Variants in TMCO4 observed in about 807,000 individuals in gnomAD.
TMCO4 encodes the protein transmembrane and coiled-coil domains 4.
A neutral mutation model predicts 64.7 loss-of-function variants in TMCO4; 58 were observed. The ratio of observed to expected loss-of-function variants is 0.90; its 90% CI spans 0.73 to 1.12. The LOEUF is 1.12. TMCO4 is among the 50% of genes most tolerant of loss of function. The pLI, the probability that TMCO4 is intolerant of heterozygous loss-of-function variation, is 0.00. For missense variants in TMCO4, 780 were observed against 825.9 expected, an observed-to-expected ratio of 0.94 and a Z score of 0.68; for synonymous variants, 325 against 346.1, an observed-to-expected ratio of 0.94 and a Z score of 0.68.
chr1:19,743,006 C>T lies in TMCO4; in HGVS notation c.878-2065G>A, dbSNP rs1385457012. Among the ~76,000 whole-genome samples, 1 of 151,892 alleles carries T rather than the reference C, an allele frequency of 6.6e-6. No individual in the cohort carries two copies. Among genetic ancestry groups the T allele is most frequent in the Non-Finnish European group, 1.5e-5 (1 of 67,978 alleles). ...CGGAGGTTGCAGTGAGCCAAGATCGCGCCACTGCACTCCAGCCTGGTGATA... is the reference window on the plus strand; with the variant it reads ...CGGAGGTTGCAGTGAGCCAAGATCGTGCCACTGCACTCCAGCCTGGTGATA... On this transcript the variant is annotated intron_variant, in intron 10 of 15. Coordinates refer to ENST00000294543, the MANE Select transcript of TMCO4 (RefSeq NM_181719.7). This position sits in a 1 kb window ranked among gnomAD's most constrained non-coding sequence, Gnocchi z 4.1.
rs145282048 is a variant in TMCO4, at chr1:19,739,958, T to C, written c.1045A>G (p.Ile349Val). ...EALKYTVLSG[I>V]VAALTWPASL... ...GCTGGCCAGGTCAGGGCAGCCACAATGCCTGGGGAGGTGAGATAGTGATGA... is the reference window on the plus strand; with the variant it reads ...GCTGGCCAGGTCAGGGCAGCCACAACGCCTGGGGAGGTGAGATAGTGATGA... Residue 349 changes from isoleucine to valine, a missense_variant and splice_region_variant, in exon 12 of 16, where the codon ATT becomes GTT. Transcript: ENST00000294543. 32 of 1,612,206 alleles carry C rather than the reference T, an allele frequency of 2.0e-5. No individual in the cohort carries two copies. The highest frequency in any genetic ancestry group is 2.7e-5 in the African/African-American group (2 of 74,814).
intron 15 of TMCO4, among the ~76,000 whole-genome samples, chr1:19,687,561 A>C (rs1337577107): frequency 6.6e-6 from 1 of 152,192 alleles, no homozygotes; most frequent in African/African-American, 2.4e-5. Flanking sequence ...GAGAGTAGGG[A>C]GTTAGCTGGG....
At chr1:19,778,235 T>C (rs1186282155) in intron 4 of TMCO4, among the ~76,000 whole-genome samples, 6 of 150,540 alleles carry the variant, frequency 4.0e-5, no homozygotes, top group African/African-American at 9.8e-5. Context: ...CTACATCATC[T>C]CATTATTTAT....
intron 13 of TMCO4, among the ~76,000 whole-genome samples, chr1:19,726,878 T>G (rs980665144): frequency 6.6e-6 from 1 of 152,220 alleles, no homozygotes; most frequent in Non-Finnish European, 1.5e-5. Flanking sequence ...CTCGGCTACA[T>G]GATGGATTTA....
At chr1:19,697,629 C>T (rs1162975920) in intron 14 of TMCO4, among the ~76,000 whole-genome samples, 2 of 142,658 alleles carry the variant, frequency 1.4e-5, no homozygotes, top group Non-Finnish European at 3.1e-5. Context: ...GACATAGTCT[C>T]GCTCTGTTGC....
intron 14 of TMCO4, among the ~76,000 whole-genome samples, chr1:19,699,936 C>T (rs1232622306): frequency 1.3e-5 from 2 of 152,188 alleles, no homozygotes; most frequent in African/African-American, 2.4e-5. Context: ...CTACCAGTAT[C>T]CCTCTTTTAC....
In TMCO4 at chr1:19,698,810, A is replaced by G. The variant is rs548979911; in HGVS notation, c.1382+1958T>C. On this transcript the variant is annotated intron_variant, in intron 14 of 15. Coordinates refer to ENST00000294543, the MANE Select transcript of TMCO4 (RefSeq NM_181719.7). ...CCAAGTTATGTACCTCAGGTTCTCA[A>G]CAGAACAGATGGGTTTAATAAGATT... 2.6e-5 allele frequency among the ~76,000 whole-genome samples: 4 copies of G among 152,346 alleles called. No individual in the cohort carries two copies. The East Asian group carries it at 5.8e-4, about 22-fold the overall frequency.
chr1:19,758,156 A>C (rs993525148), intron 6 of TMCO4, among the ~76,000 whole-genome samples: 2 of 152,142 alleles, frequency 1.3e-5, no homozygotes, highest in Non-Finnish European at 2.9e-5. Flanking sequence ...TTGAAGTTTG[A>C]GGTTTCGGCT....
Position 19,731,776 on chromosome 1 carries a change from C to T in TMCO4, c.1264+5596G>A, listed in dbSNP as rs573259131. On this transcript the variant is annotated intron_variant, in intron 13 of 15. Coordinates refer to ENST00000294543, the MANE Select transcript of TMCO4 (RefSeq NM_181719.7). ...CTGGCGAGAAGGGCTCTGCTCTGGTCCCCACCAGCTTCCTTGGCCTCAGGT... is the reference window on the plus strand; with the variant it reads ...CTGGCGAGAAGGGCTCTGCTCTGGTTCCCACCAGCTTCCTTGGCCTCAGGT... Among the ~76,000 whole-genome samples, 199 of 152,272 alleles carry T rather than the reference C, an allele frequency of 1.3e-3. No homozygotes were observed. The Middle Eastern group carries it at 0.014, about 10-fold the overall frequency.
chr1:19,697,331 C>T (rs2095243411), intron 14 of TMCO4, among the ~76,000 whole-genome samples: 1 of 152,222 alleles, frequency 6.6e-6, no homozygotes, highest in Non-Finnish European at 1.5e-5. Flanking sequence ...GATCTTGGCT[C>T]ATTGCAGCCT....
At chr1:19,703,840 G>T (rs1045912565) in intron 13 of TMCO4, among the ~76,000 whole-genome samples, 8 of 152,090 alleles carry the variant, frequency 5.3e-5, no homozygotes, top group Non-Finnish European at 2.9e-5. Context: ...GAACCACCAC[G>T]CCCGTCCAGC....
At chr1:19,797,200 G>A (rs1279777213) in intron 2 of TMCO4, among the ~76,000 whole-genome samples, 1 of 152,184 alleles carries the variant, frequency 6.6e-6, no homozygotes, top group East Asian at 1.9e-4. Flanking sequence ...CCCTGGTCCT[G>A]GATGTCACAG....
intron 6 of TMCO4, among the ~76,000 whole-genome samples, chr1:19,766,062 C>T (rs1295033065): frequency 6.6e-6 from 1 of 151,438 alleles, no homozygotes; most frequent in Admixed American, 6.6e-5. Context: ...ACCAAGTGTC[C>T]ACCATGCATC....
At chr1:19,726,772 T>G (rs777259194) in intron 13 of TMCO4, among the ~76,000 whole-genome samples, 2 of 152,068 alleles carry the variant, frequency 1.3e-5, no homozygotes, top group Non-Finnish European at 2.9e-5. Flanking sequence ...AGGAGGAGGA[T>G]GAAGATAAGG....
intron 4 of TMCO4, among the ~76,000 whole-genome samples, chr1:19,773,547 C>T (rs1321284435): frequency 6.6e-6 from 1 of 152,138 alleles, no homozygotes; most frequent in East Asian, 1.9e-4. Flanking sequence ...CTGAGGCAGG[C>T]CCAAAAAGGT....
chr1:19,710,142 G>A (rs1000821212), intron 13 of TMCO4, among the ~76,000 whole-genome samples: 4 of 151,842 alleles, frequency 2.6e-5, no homozygotes, highest in African/African-American at 9.7e-5. Flanking sequence ...GTCTTGCTCT[G>A]TTGCCCAGGA....
chr1:19,691,361 C>T (rs1245330599), intron 15 of TMCO4, among the ~76,000 whole-genome samples: 2 of 152,186 alleles, frequency 1.3e-5, no homozygotes, highest in African/African-American at 4.8e-5. Context: ...AGTGAACTGG[C>T]CCCAGCGACC....
chr1:19,700,784 T>G lies in TMCO4; in HGVS notation c.1366A>C (p.Ile456Leu). 1 of 1,614,236 alleles carries G rather than the reference T, an allele frequency of 6.2e-7. No individual in the cohort carries two copies. The highest frequency in any genetic ancestry group is 8.5e-7 in the Non-Finnish European group (1 of 1,180,016). The change falls in exon 14 of 16, where the codon ATC becomes CTC. Residue 456 changes from isoleucine to leucine, a missense_variant. By Grantham distance (5) the Ile-to-Leu change is conservative (BLOSUM62 2). Coordinates refer to ENST00000294543, the MANE Select transcript of TMCO4 (RefSeq NM_181719.7). ...TGGACAGACCTGCAGTAGCCGTTGA[T>G]GATCCTCCCGGACACCACCTTCCGG... ...PFRKVVSGRI[I>L]NGYCRGDWLL...
chr1:19,746,066 G>A (rs186823063), intron 9 of TMCO4, among the ~76,000 whole-genome samples: 27 of 152,314 alleles, frequency 1.8e-4, no homozygotes, highest in African/African-American at 6.3e-4. Context: ...TGTGCATGAC[G>A]AGGTTGGAGG....
Sources: allele counts gnomAD v4.1 joint callset (sites outside exome capture counted in the v4.1 genomes callset), GRCh38; gene constraint gnomAD v4.1.1; non-coding constraint Gnocchi (gnomAD v3.1); transcripts MANE v1.5; gene names NCBI Gene and HGNC (gene_info 2026-07-23, HGNC 2026-07-21).